Variants in SLC44A3 observed in about 807,000 individuals in gnomAD.
SLC44A3 encodes choline transporter-like protein 3.
Under a neutral mutation model 75.4 loss-of-function variants are expected in SLC44A3, and 74 were observed. The ratio of observed to expected loss-of-function variants is 0.98; its 90% CI spans 0.81 to 1.19. The LOEUF (loss-of-function observed/expected upper bound fraction) is 1.19. Among genes scored for constraint, SLC44A3 ranks in the 50% most tolerant of loss-of-function variants. SLC44A3 has a pLI of 0.00. For missense variants in SLC44A3, 700 were observed against 778.6 expected (o/e 0.90, Z 1.20); for synonymous variants, 310 against 296.9 (o/e 1.04, Z -0.45).
At chr1:94,878,190 G>A (rs1457462003) in intron 12 of SLC44A3, among the ~76,000 whole-genome samples, 2 of 151,716 alleles carry the variant, frequency 1.3e-5, no homozygotes, top group Non-Finnish European at 2.9e-5. Flanking sequence ...AGCCGAGATC[G>A]CACCACTGCA....
At chr1:94,821,660 A>G (rs766241474) in intron 2 of SLC44A3, among the ~76,000 whole-genome samples, 10 of 152,324 alleles carry the variant, frequency 6.6e-5, no homozygotes, top group Admixed American at 1.3e-4. Context: ...TGCTGCTTTT[A>G]TACTTATTTT....
At chr1:94,832,666 A>T (rs1014901149) in intron 5 of SLC44A3, among the ~76,000 whole-genome samples, 1 of 152,206 alleles carries the variant, frequency 6.6e-6, no homozygotes, top group Non-Finnish European at 1.5e-5. Context: ...GACACTTTCA[A>T]TTCAATAATT....
intron 5 of SLC44A3, among the ~76,000 whole-genome samples, chr1:94,834,246 G>A (rs1259645844): frequency 6.6e-6 from 1 of 152,032 alleles, no homozygotes; most frequent in African/African-American, 2.4e-5. Context: ...ACTTGGATAA[G>A]GAAAATACCA....
intron 12 of SLC44A3, among the ~76,000 whole-genome samples, chr1:94,887,967 G>A (rs10874896): frequency 0.056 from 8,548 of 152,248 alleles, 312 homozygotes; most frequent in Middle Eastern, 0.088. Context: ...TTGTAAATGA[G>A]ATCATCTTTG....
chr1:94,864,774 C>CT lies in SLC44A3; in HGVS notation c.1273dup (p.Ser425PhefsTer62). The CT allele has an allele frequency of 6.2e-7, 1 of 1,613,848 alleles. No individual in the cohort carries two copies. The highest frequency in any genetic ancestry group is 1.3e-5 in the African/African-American group (1 of 75,024). On this transcript the variant is annotated frameshift_variant, in exon 11 of 15. Transcript: ENST00000271227. LOFTEE classifies it high-confidence loss of function. ...AAATGATCCTCCTGATCATCCCATC[C>CT]TTTCGTCTCTCTCCATTCTCTTCTT...
Position 94,842,034 on chromosome 1 carries a change from C to G in SLC44A3, c.795C>G (p.Asp265Glu). 1 of 1,613,504 alleles carries G rather than the reference C, an allele frequency of 6.2e-7. No individual in the cohort carries two copies. The highest frequency in any genetic ancestry group is 8.5e-7 in the Non-Finnish European group (1 of 1,179,802). Residue 265 changes from aspartate to glutamate, a missense_variant, in exon 8 of 15, where the codon GAC becomes GAG. Physicochemically the swap from Asp to Glu is conservative, Grantham distance 45. Coordinates refer to ENST00000271227, the MANE Select transcript of SLC44A3 (RefSeq NM_001114106.3). The stretch of plus-strand genomic sequence containing the variant: ...GTGTTTTATGGTGGCTGTATTATGA[C>G]TATACCAACGACCTCAGCATAGAAT... The part of the protein sequence containing the change: ...VCGVLWWLYY[D>E]YTNDLSIELD...
intron 3 of SLC44A3, among the ~76,000 whole-genome samples, chr1:94,826,415 G>C (rs1661349203): frequency 6.6e-6 from 1 of 152,132 alleles, no homozygotes; most frequent in Non-Finnish European, 1.5e-5. Context: ...AGTTTGGAAG[G>C]CCAAGGCGGG....
chr1:94,867,303 C>CTGTT, intron 11 of SLC44A3, 28 bp from the exon 12 acceptor site: 1 of 1,518,608 alleles, frequency 6.6e-7, no homozygotes, highest in Non-Finnish European at 8.9e-7. Flanking sequence ...GTTTTTGACT[C>CTGTT]TGTTCCTTTG....
chr1:94,847,253 G>T (rs1300489315), intron 9 of SLC44A3, among the ~76,000 whole-genome samples: 1 of 152,204 alleles, frequency 6.6e-6, no homozygotes, highest in Non-Finnish European at 1.5e-5. Context: ...TAGCGCTCAA[G>T]GACTCAGGCA....
intron 10 of SLC44A3, among the ~76,000 whole-genome samples, chr1:94,862,532 A>T (rs1666696164): frequency 6.6e-6 from 1 of 152,180 alleles, no homozygotes; most frequent in Admixed American, 6.5e-5. Flanking sequence ...GCTTGGATTG[A>T]TGTGGTATTT....
At chr1:94,826,033 T>C (rs191360304) in intron 3 of SLC44A3, 11 of 408,012 alleles carry the variant, frequency 2.7e-5, no homozygotes, top group Non-Finnish European at 5.0e-5. Flanking sequence ...AAATGTGATA[T>C]GTATATTACA....
intron 6 of SLC44A3, 79 bp from the exon 7 acceptor site, chr1:94,839,868 GT>G: frequency 1.0e-6 from 1 of 979,666 alleles, no homozygotes; most frequent in South Asian, 1.3e-5. Flanking sequence ...GTTCTGGAGG[GT>G]TTTGTCATCG....
intron 6 of SLC44A3, chr1:94,839,101 A>G (rs1284046496): frequency 1.3e-5 from 2 of 152,164 alleles, no homozygotes; most frequent in African/African-American, 4.8e-5. Flanking sequence ...CCCAAAACCC[A>G]CCTTACTAAA....
intron 10 of SLC44A3, among the ~76,000 whole-genome samples, chr1:94,863,055 C>A (rs990459043): frequency 2.6e-5 from 4 of 152,134 alleles, no homozygotes; most frequent in African/African-American, 9.7e-5. Flanking sequence ...CAGAGACACA[C>A]CACTTCATTA....
chr1:94,889,294 T>A (rs191416202), intron 12 of SLC44A3: 88 of 152,200 alleles, frequency 5.8e-4, no homozygotes, highest in African/African-American at 2.0e-3. Context: ...AATTTGTATA[T>A]CATGAAATAA....
chr1:94,855,299 C>G (rs1665745825), intron 9 of SLC44A3: 1 of 152,244 alleles, frequency 6.6e-6, no homozygotes, highest in Non-Finnish European at 1.5e-5. Context: ...TCTCCGCCCG[C>G]AAACTATTCG....
chr1:94,858,837 G>A (rs1022209092), intron 10 of SLC44A3, among the ~76,000 whole-genome samples: 1 of 152,050 alleles, frequency 6.6e-6, no homozygotes, highest in Admixed American at 6.5e-5. Flanking sequence ...GACTACAGGC[G>A]CCCACCACCA....
intron 9 of SLC44A3, among the ~76,000 whole-genome samples, chr1:94,849,921 A>AT (rs1006993848): frequency 6.6e-6 from 1 of 151,760 alleles, no homozygotes; most frequent in African/African-American, 2.4e-5. Flanking sequence ...TAATTTTTGT[A>AT]TTTTTTTGTA....
intron 12 of SLC44A3, among the ~76,000 whole-genome samples, chr1:94,868,805 GGTT>G (rs1667447920): frequency 1.3e-5 from 2 of 152,384 alleles, no homozygotes; most frequent in East Asian, 3.9e-4. Context: ...AAGGCCCGAG[GGTT>G]GACCTGTTAT....
Sources: gnomAD v4.1 joint callset for allele counts (sites outside exome capture counted in the v4.1 genomes callset) on GRCh38, gnomAD v4.1.1 for gene constraint, MANE v1.5 for transcripts, NCBI Gene and HGNC (gene_info 2026-07-23, HGNC 2026-07-21) for gene names.